The following CD300LD variants were observed in gnomAD, a reference collection of about 807,000 sequenced individuals.
The protein encoded by CD300LD is CMRF35-like molecule 5.
In CD300LD, 18 loss-of-function variants were observed where a neutral mutation model predicts 20.3. That is an observed-to-expected ratio of 0.89 (90% CI 0.61 to 1.32). The LOEUF is 1.32. Among genes scored for constraint, CD300LD ranks in the 40% most tolerant of loss-of-function variants. CD300LD has a pLI of 0.00. For synonymous variants in CD300LD, 104 were observed against 90.1 expected, an observed-to-expected ratio of 1.15 and a Z score of -0.87; for missense variants, 195 against 226.6, an observed-to-expected ratio of 0.86 and a Z score of 0.90.
Position 74,583,463 on chromosome 17 carries a change from A to G in CD300LD, c.380-1152T>C, listed in dbSNP as rs183698443. On this transcript the variant is annotated intron_variant, in intron 2 of 3. Transcript: ENST00000375352. ...CTCAGGCTCAACTGAACCTGCCAAC[A>G]CCTTGATCTCGGACTTCCAGCCTCC... 5.1e-3 allele frequency among the ~76,000 whole-genome samples: 779 copies of G among 152,132 alleles called. 3 individuals are homozygous for G. Among genetic ancestry groups the G allele is most frequent in the African/African-American group, 0.018 (743 of 41,504 alleles).
intron 1 of CD300LD, among the ~76,000 whole-genome samples, chr17:74,589,835 G>A (rs757891612): frequency 3.3e-5 from 5 of 152,202 alleles, no homozygotes; most frequent in Non-Finnish European, 7.3e-5. Context: ...AAGCACATTG[G>A]AGCACTTGAA....
At chr17:74,586,650 T>G (rs2030167605) in intron 2 of CD300LD, among the ~76,000 whole-genome samples, 1 of 152,120 alleles carries the variant, frequency 6.6e-6, no homozygotes, top group Non-Finnish European at 1.5e-5. Flanking sequence ...AAGCTCAGGA[T>G]TCGATCTCCC....
chr17:74,579,760 C>G lies in CD300LD; in HGVS notation c.*242G>C, dbSNP rs2029991987. On this transcript the variant is annotated 3_prime_UTR_variant, in exon 4 of 4. Coordinates refer to ENST00000375352, the MANE Select transcript of CD300LD (RefSeq NM_001115152.2). Reference sequence around the variant, plus strand: ...ATTAGCTGGGGGTGGTGGCATGTGCCTGTAGCCCCAGCTACTCTGGAGGTT... The same window carrying G: ...ATTAGCTGGGGGTGGTGGCATGTGCGTGTAGCCCCAGCTACTCTGGAGGTT... The G allele has an allele frequency of 3.6e-6, 1 of 276,668 alleles. No individual in the cohort carries two copies. The highest frequency in any genetic ancestry group is 5.1e-5 in the South Asian group (1 of 19,640). 17.1% of individuals were successfully genotyped at this position (276,668 alleles called of 1,614,324 possible).
At chr17:74,583,363 G>A (rs758446346) in intron 2 of CD300LD, among the ~76,000 whole-genome samples, 6 of 152,196 alleles carry the variant, frequency 3.9e-5, no homozygotes, top group Admixed American at 6.5e-5. Flanking sequence ...GAGACACCAA[G>A]GCATGCGAGC....
chr17:74,579,853 C>G lies in CD300LD; in HGVS notation c.*149G>C. On this transcript the variant is annotated 3_prime_UTR_variant, in exon 4 of 4. Coordinates refer to ENST00000375352, the MANE Select transcript of CD300LD (RefSeq NM_001115152.2). The stretch of plus-strand genomic sequence containing the variant: ...TGAGCAGAGATTACACCATTGCATT[C>G]CAGCCTGGGTGACAGAGCAAGACTC... 1 of 515,746 alleles carries G rather than the reference C, an allele frequency of 1.9e-6. No homozygotes were observed. Among genetic ancestry groups the G allele is most frequent in the African/African-American group, 1.9e-5 (1 of 51,888 alleles). 31.9% of individuals were successfully genotyped at this position (515,746 alleles called of 1,614,324 possible).
In CD300LD at chr17:74,579,909, G is replaced by T. The variant is rs2029995088; in HGVS notation, c.*93C>A. On this transcript the variant is annotated 3_prime_UTR_variant, in exon 4 of 4. Transcript: ENST00000375352. ...CTAGAAAGAAAAAAAGAAGAGAAAA[G>T]AAAATGTTTTTTCTTCTGTGGGAGG... 2 of 719,644 alleles carry T rather than the reference G, an allele frequency of 2.8e-6. No homozygotes were observed. The highest frequency in any genetic ancestry group is 1.7e-5 in the South Asian group (1 of 60,400). 44.6% of individuals were successfully genotyped at this position (719,644 alleles called of 1,614,324 possible).
At chr17:74,583,139 C>T (rs1444666402) in intron 2 of CD300LD, among the ~76,000 whole-genome samples, 2 of 152,168 alleles carry the variant, frequency 1.3e-5, no homozygotes, top group African/African-American at 4.8e-5. Flanking sequence ...CCCATGCCCG[C>T]CCTCCCCCTT....
intron 1 of CD300LD, among the ~76,000 whole-genome samples, chr17:74,589,234 G>A (rs2030248192): frequency 6.6e-6 from 1 of 152,204 alleles, no homozygotes; most frequent in Admixed American, 6.5e-5. Flanking sequence ...AATGATTGCT[G>A]CCTTGATGCT....
chr17:74,581,225 T>A (rs191052944), intron 3 of CD300LD, among the ~76,000 whole-genome samples: 1 of 150,586 alleles, frequency 6.6e-6, no homozygotes. Context: ...TGGGTGGAGC[T>A]CTGCAGATGC....
intron 2 of CD300LD, among the ~76,000 whole-genome samples, chr17:74,586,539 G>A (rs2030164046): frequency 6.6e-6 from 1 of 152,100 alleles, no homozygotes; most frequent in Admixed American, 6.6e-5. Flanking sequence ...CCTGGACCCG[G>A]GCCCTATAAA....
intron 2 of CD300LD, among the ~76,000 whole-genome samples, chr17:74,587,379 A>G (rs934127384): frequency 4.1e-4 from 62 of 152,316 alleles, no homozygotes; most frequent in Admixed American, 2.5e-3. Flanking sequence ...TTTACGACAC[A>G]TATTCCCTTA....
At position 74,580,121 on chromosome 17, in the gene CD300LD, A is replaced by G. The variant is rs1568020550; in HGVS notation, c.474-8T>C. 1 of 1,591,300 alleles carries G rather than the reference A, an allele frequency of 6.3e-7. No individual in the cohort carries two copies. The highest frequency in any genetic ancestry group is 8.6e-7 in the Non-Finnish European group (1 of 1,163,602). ...GTGCTCTTGAGCGGGGACCTGTGGGAACACGGTGACAGGAAATGAGCTGCC... is the reference window on the plus strand; with the variant it reads ...GTGCTCTTGAGCGGGGACCTGTGGGGACACGGTGACAGGAAATGAGCTGCC... On this transcript the variant is annotated splice_region_variant and splice_polypyrimidine_tract_variant and intron_variant, in intron 3 of 3. Transcript: ENST00000375352.
intron 1 of CD300LD, 155 bp downstream of exon 1, chr17:74,592,008 A>G: frequency 6.4e-7 from 1 of 1,557,506 alleles, no homozygotes; most frequent in Non-Finnish European, 8.7e-7. Flanking sequence ...CCTGTCAGAT[A>G]ACAAAAACTT....
At chr17:74,585,779 C>T (rs1016331360) in intron 2 of CD300LD, among the ~76,000 whole-genome samples, 4 of 152,238 alleles carry the variant, frequency 2.6e-5, no homozygotes, top group Non-Finnish European at 4.4e-5. Context: ...ACTTGTTTGT[C>T]TGCTAGTGCA....
chr17:74,588,892 G>T, intron 1 of CD300LD, 43 bp from the exon 2 acceptor site: 2 of 1,456,376 alleles, frequency 1.4e-6, no homozygotes, highest in South Asian at 1.2e-5. Context: ...CCACCCCAAG[G>T]GCAGGGCCAC....
At chr17:74,581,472 G>C (rs1336170061) in intron 3 of CD300LD, among the ~76,000 whole-genome samples, 2 of 152,154 alleles carry the variant, frequency 1.3e-5, no homozygotes, top group Middle Eastern at 3.2e-3. Context: ...GCCGACCTCT[G>C]GGGACTCCTC....
rs1296515542 is a variant in CD300LD, at chr17:74,589,671, G to A, written c.41-822C>T. Among the ~76,000 whole-genome samples, 3 of 152,218 alleles carry A rather than the reference G, an allele frequency of 2.0e-5. No homozygotes were observed. The East Asian group carries it at 5.8e-4, about 29-fold the overall frequency. ...TCACTTGAAAACAATTCAAAACAGT[G>A]GAAATACCTTAAGTGAGAGCTTTGC... On this transcript the variant is annotated intron_variant, in intron 1 of 3. Transcript: ENST00000375352.
At position 74,588,644 on chromosome 17, in the gene CD300LD, C is replaced by A; in HGVS notation, c.246G>T (p.Arg82Ser). The change falls in exon 2 of 4, where the codon AGG (arginine) becomes AGT (serine). Residue 82 changes from arginine to serine, a missense_variant. Physicochemically the swap from Arg to Ser is moderately radical, Grantham distance 110 (BLOSUM62 -1). Transcript: ENST00000375352. ...TGAACACGTGGTTTTTCTGATTGTC[C>A]CTGATGGAAACTCGATTCTTCTTTA... ...QEVKKNRVSI[R>S]DNQKNHVFTV... is the part of the protein sequence containing the mutation. The A allele has an allele frequency of 6.2e-7, 1 of 1,614,070 alleles. No individual in the cohort carries two copies. The highest frequency in any genetic ancestry group is 8.5e-7 in the Non-Finnish European group (1 of 1,179,978).
intron 1 of CD300LD, among the ~76,000 whole-genome samples, chr17:74,591,571 C>T (rs998790859): frequency 3.3e-5 from 5 of 152,176 alleles, no homozygotes; most frequent in African/African-American, 1.2e-4. Flanking sequence ...GAAAACATAT[C>T]TCCATACAAA....
Sources: gnomAD v4.1 joint callset for allele counts (sites outside exome capture counted in the v4.1 genomes callset) on GRCh38, gnomAD v4.1.1 for gene constraint, MANE v1.5 for transcripts, NCBI Gene and HGNC (gene_info 2026-07-23, HGNC 2026-07-21) for gene names.